The following VPS13A variants were observed in gnomAD, a reference collection of about 807,000 sequenced individuals.
VPS13A encodes intermembrane lipid transfer protein VPS13A.
A neutral mutation model predicts 390.9 loss-of-function variants in VPS13A; 264 were observed. The observed-to-expected ratio is 0.68, with a 90% CI of 0.61 to 0.75. The LOEUF is 0.75. Ranked by LOEUF, VPS13A falls within the 30% of genes least tolerant of loss-of-function variation. The probability of loss-of-function intolerance (pLI) is 0.00; values close to 1 mark genes in which losing one functional copy is unlikely to be tolerated. For missense variants in VPS13A, 3,409 were observed against 3,733.9 expected, an observed-to-expected ratio of 0.91 and a Z score of 2.27; for synonymous variants, 1,231 against 1,227.1, an observed-to-expected ratio of 1.00 and a Z score of -0.07.
chr9:77,186,061 T>C (rs904542251), intron 1 of VPS13A, among the ~76,000 whole-genome samples: 6 of 152,118 alleles, frequency 3.9e-5, no homozygotes, highest in Non-Finnish European at 5.9e-5. Flanking sequence ...TGGGAGGCAG[T>C]GAGCCGAGAT....
At position 77,390,688 on chromosome 9, in the gene VPS13A, TTTG is replaced by T. The variant is rs1454083483; in HGVS notation, c.9189+8608_9189+8610del. Reference sequence around the variant, plus strand: ...TTTGTTGTTGTTGTTGTTGTTGTTGTTTGTTGTTGAGACAAGGTCTCACTCTCT... The same window carrying T: ...TTTGTTGTTGTTGTTGTTGTTGTTGTTTGTTGAGACAAGGTCTCACTCTCT... On this transcript the variant is annotated intron_variant, in intron 68 of 71. Coordinates refer to ENST00000360280, the MANE Select transcript of VPS13A (RefSeq NM_033305.3). Among the ~76,000 whole-genome samples the T allele has an allele frequency of 2.3e-5, 3 of 129,092 alleles. No homozygotes were observed. The East Asian group carries it at 8.1e-4, about 35-fold the overall frequency. 84.7% of individuals were successfully genotyped at this position (129,092 alleles called of 152,430 possible). A position where few individuals can be genotyped will look rare whatever the true frequency, so the allele number is the denominator to read the frequency against.
chr9:77,250,276 T>A, intron 21 of VPS13A, 47 bp downstream of exon 21: 1 of 1,603,780 alleles, frequency 6.2e-7, no homozygotes, highest in Non-Finnish European at 8.5e-7. Flanking sequence ...TTGAAGTGAT[T>A]AATTAGGTTT....
At chr9:77,225,661 A>G (rs1823466638) in intron 13 of VPS13A, among the ~76,000 whole-genome samples, 1 of 152,190 alleles carries the variant, frequency 6.6e-6, no homozygotes, top group South Asian at 2.1e-4. Flanking sequence ...TGTGTTTATA[A>G]CTTGAAGAGT....
At chr9:77,329,085 C>G (rs544492468) in intron 45 of VPS13A, among the ~76,000 whole-genome samples, 7 of 152,256 alleles carry the variant, frequency 4.6e-5, no homozygotes, top group Admixed American at 3.3e-4. Context: ...AAACTGTCCC[C>G]ATGATCCAGT....
intron 31 of VPS13A, among the ~76,000 whole-genome samples, chr9:77,287,674 T>A (rs749871199): frequency 6.6e-6 from 1 of 152,176 alleles, no homozygotes; most frequent in Non-Finnish European, 1.5e-5. Context: ...CAAGAAATGC[T>A]TTTTTACAGT....
chr9:77,395,202 A>G (rs753917017), intron 68 of VPS13A, among the ~76,000 whole-genome samples: 1 of 152,214 alleles, frequency 6.6e-6, no homozygotes, highest in African/African-American at 2.4e-5. Context: ...TGATAGACAT[A>G]TAACTCTTCA....
intron 59 of VPS13A, among the ~76,000 whole-genome samples, chr9:77,361,612 T>A (rs1369089662): frequency 6.6e-6 from 1 of 152,108 alleles, no homozygotes; most frequent in Non-Finnish European, 1.5e-5. Flanking sequence ...TTAATCACCA[T>A]GTGATTAAGC....
intron 71 of VPS13A, among the ~76,000 whole-genome samples, chr9:77,412,964 G>C (rs967034141): frequency 2.6e-5 from 4 of 151,460 alleles, no homozygotes; most frequent in Non-Finnish European, 5.9e-5. Flanking sequence ...AACAGACAGA[G>C]AGCCAAATCA....
At chr9:77,216,180 AT>A (rs1206873154) in intron 10 of VPS13A, among the ~76,000 whole-genome samples, 4 of 151,864 alleles carry the variant, frequency 2.6e-5, no homozygotes, top group Admixed American at 6.6e-5. Flanking sequence ...AGAAAAAAAA[AT>A]TTTTTTTCTC....
At chr9:77,403,953 CTA>C (rs1458334807) in intron 69 of VPS13A, among the ~76,000 whole-genome samples, 1 of 152,088 alleles carries the variant, frequency 6.6e-6, no homozygotes, top group East Asian at 1.9e-4. Context: ...AATTGTCAAT[CTA>C]TGGTTTTGTT....
At position 77,357,674 on chromosome 9, in the gene VPS13A, G is replaced by C; in HGVS notation, c.7807-18G>C. The C allele has an allele frequency of 6.2e-7, 1 of 1,611,314 alleles. No homozygotes were observed. Among genetic ancestry groups the C allele is most frequent in the Admixed American group, 1.7e-5 (1 of 59,700 alleles). The stretch of plus-strand genomic sequence containing the variant: ...ATAGATAAATTAATTTTTTCATTTG[G>C]GGGGACATATTTTTCAGGTTCGCCT... On this transcript the variant is annotated intron_variant, in intron 55 of 71. Coordinates refer to ENST00000360280, the MANE Select transcript of VPS13A (RefSeq NM_033305.3).
chr9:77,210,475 C>T, intron 6 of VPS13A, 141 bp from the exon 7 acceptor site: 1 of 754,000 alleles, frequency 1.3e-6, no homozygotes, highest in Non-Finnish European at 2.3e-6. Flanking sequence ...GTCTCCAGAG[C>T]TCAAGCAGTC....
At position 77,420,523 on chromosome 9, in the gene VPS13A, A is replaced by G. The variant is rs1835310445; in HGVS notation, c.*4517A>G. 6.6e-6 allele frequency: 1 copy of G among 152,184 alleles called. No individual in the cohort carries two copies. The highest frequency in any genetic ancestry group is 1.5e-5 in the Non-Finnish European group (1 of 68,030). The allele number at this position is 152,184 out of a possible 1,614,324, so 9.4% of individuals were successfully genotyped here. A position where few individuals can be genotyped will look rare whatever the true frequency, so the allele number is the denominator to read the frequency against. The stretch of plus-strand genomic sequence containing the variant: ...TTACCCAAAAAGCTATACAAGAAAT[A>G]TAACTTCAATTTTTTAGGTTGATAT... On this transcript the variant is annotated 3_prime_UTR_variant, in exon 72 of 72. Transcript: ENST00000360280.
intron 42 of VPS13A, among the ~76,000 whole-genome samples, chr9:77,320,011 A>G (rs1036187415): frequency 6.6e-6 from 1 of 152,156 alleles, no homozygotes; most frequent in African/African-American, 2.4e-5. Flanking sequence ...TCTAAGGCCA[A>G]TGTTGCCTAT....
At chr9:77,181,526 A>AC (rs1481468498) in intron 1 of VPS13A, among the ~76,000 whole-genome samples, 2 of 151,642 alleles carry the variant, frequency 1.3e-5, no homozygotes, top group Non-Finnish European at 2.9e-5. Context: ...AAAAAAAAAA[A>AC]AAAAAAAAAA....
chr9:77,338,131 C>T (rs773896648), intron 47 of VPS13A: 1 of 152,016 alleles, frequency 6.6e-6, no homozygotes, highest in Non-Finnish European at 1.5e-5. Flanking sequence ...GCATGCCATG[C>T]CTGGATAATA....
rs1242624059 is a variant in VPS13A, at chr9:77,280,214, C to A, written c.2880C>A (p.Asp960Glu). Residue 960 changes from aspartate to glutamate, a missense_variant, in exon 27 of 72, where the codon GAC becomes GAA. Asp to Glu is a conservative substitution (Grantham distance 45). Around this residue, in one of 5 missense-constraint regions of VPS13A, gnomAD observed 2,717 missense variants for 2,917.4 expected, o/e 0.93. Transcript: ENST00000360280. ...LVTTLDNTME[D>E]LLTLEYVKAE... ...CAACCCTGGATAACACAATGGAAGA[C>A]CTGTTAACGCTGGAATATGTAAAGG... 1 of 1,612,552 alleles carries A rather than the reference C, an allele frequency of 6.2e-7. No individual in the cohort carries two copies. Among genetic ancestry groups the A allele is most frequent in the African/African-American group, 1.3e-5 (1 of 74,838 alleles).
At chr9:77,337,866 C>G in intron 47 of VPS13A, 1 of 192,866 alleles carries the variant, frequency 5.2e-6, no homozygotes. Flanking sequence ...ATCCATACAT[C>G]TTAAGATTTT....
At chr9:77,346,407 T>G (rs1831154926) in intron 52 of VPS13A, among the ~76,000 whole-genome samples, 1 of 152,200 alleles carries the variant, frequency 6.6e-6, no homozygotes, top group African/African-American at 2.4e-5. Flanking sequence ...TTTGAGATCC[T>G]TACAGATTCT....
Sources: allele counts gnomAD v4.1 joint callset (sites outside exome capture counted in the v4.1 genomes callset), GRCh38; gene constraint gnomAD v4.1.1; regional missense constraint gnomAD v4.1.1; transcripts MANE v1.5; gene names NCBI Gene and HGNC (gene_info 2026-07-23, HGNC 2026-07-21).